HS6ST3: variants seen among roughly 807,000 people sequenced by gnomAD.
The protein encoded by HS6ST3 is heparan-sulfate 6-O-sulfotransferase 3.
Under a neutral mutation model 36.7 loss-of-function variants are expected in HS6ST3, and 12 were observed. That is an observed-to-expected ratio of 0.33 (90% CI 0.21 to 0.53). HS6ST3 has a LOEUF of 0.53. Ranked by LOEUF, HS6ST3 falls within the 20% of genes least tolerant of loss-of-function variation. HS6ST3 has a pLI of 0.95. For synonymous variants in HS6ST3, 240 were observed against 257.5 expected, an observed-to-expected ratio of 0.93 and a Z score of 0.65; for missense variants, 584 against 640.9, an observed-to-expected ratio of 0.91 and a Z score of 0.96.
At chr13:96,183,354 G>C (rs1038823514) in intron 1 of HS6ST3, among the ~76,000 whole-genome samples, 12 of 152,170 alleles carry the variant, frequency 7.9e-5, no homozygotes, top group African/African-American at 2.9e-4. Context: ...TGCTCGAGGT[G>C]GAAGAAAGTT....
At chr13:96,119,863 T>C (rs2053916861) in intron 1 of HS6ST3, among the ~76,000 whole-genome samples, 1 of 141,026 alleles carries the variant, frequency 7.1e-6, no homozygotes, top group South Asian at 2.4e-4. Context: ...TATTGCAGCA[T>C]TAAATATAAT....
intron 1 of HS6ST3, among the ~76,000 whole-genome samples, chr13:96,096,455 G>A (rs565188648): frequency 4.6e-5 from 7 of 152,072 alleles, no homozygotes; most frequent in East Asian, 1.9e-4. Context: ...TTTAAGTTTC[G>A]TTAGTTCTAA....
chr13:96,452,131 C>G (rs2055731115), intron 1 of HS6ST3, among the ~76,000 whole-genome samples: 2 of 152,150 alleles, frequency 1.3e-5, no homozygotes. Context: ...ATTTTTCACT[C>G]TCTTTACTGG....
intron 1 of HS6ST3, among the ~76,000 whole-genome samples, chr13:96,711,965 T>C (rs1875573963): frequency 6.6e-6 from 1 of 152,230 alleles, no homozygotes; most frequent in African/African-American, 2.4e-5. Flanking sequence ...GATCAGTTAG[T>C]ATTCTACTTT....
intron 1 of HS6ST3, among the ~76,000 whole-genome samples, chr13:96,733,296 G>T (rs1876205224): frequency 6.6e-6 from 1 of 152,130 alleles, no homozygotes; most frequent in African/African-American, 2.4e-5. Context: ...TTGTGTTGAG[G>T]TACATTCCTT....
intron 1 of HS6ST3, among the ~76,000 whole-genome samples, chr13:96,657,558 T>C (rs1380761168): frequency 1.3e-5 from 2 of 152,142 alleles, no homozygotes; most frequent in Non-Finnish European, 2.9e-5. Context: ...CAGAACACAA[T>C]GTCCTGTCAA....
intron 1 of HS6ST3, among the ~76,000 whole-genome samples, chr13:96,768,452 G>A (rs560507510): frequency 6.6e-6 from 1 of 152,150 alleles, no homozygotes; most frequent in Non-Finnish European, 1.5e-5. Context: ...CTCTGACTCT[G>A]TCACTTTTGT....
At chr13:96,128,595 A>G (rs992864116) in intron 1 of HS6ST3, among the ~76,000 whole-genome samples, 1 of 151,984 alleles carries the variant, frequency 6.6e-6, no homozygotes, top group African/African-American at 2.4e-5. Context: ...CTGTTAGTTT[A>G]CTGGAGATTT....
chr13:96,658,928 G>A (rs36089682), intron 1 of HS6ST3, among the ~76,000 whole-genome samples: 2,139 of 151,374 alleles, frequency 0.014, 23 homozygotes, highest in Non-Finnish European at 0.02. Context: ...GGTTGGTATC[G>A]AACTCCTGAC....
chr13:96,139,551 A>C (rs941360831), intron 1 of HS6ST3, among the ~76,000 whole-genome samples: 9 of 149,864 alleles, frequency 6.0e-5, no homozygotes, highest in African/African-American at 1.2e-4. Context: ...GAAAAAAAAA[A>C]AAAAAAAAAA....
chr13:96,799,409 A>G (rs1456807669), intron 1 of HS6ST3, among the ~76,000 whole-genome samples: 2 of 152,078 alleles, frequency 1.3e-5, no homozygotes, highest in Non-Finnish European at 1.5e-5. Context: ...AGACTGGATT[A>G]AGAAAATGTG....
At chr13:96,626,754 G>A (rs1014823206) in intron 1 of HS6ST3, among the ~76,000 whole-genome samples, 16 of 151,664 alleles carry the variant, frequency 1.1e-4, no homozygotes, top group African/African-American at 3.4e-4. Flanking sequence ...TTTAAAATTC[G>A]TATTTAAAAA....
rs77331240 is a variant in HS6ST3, at chr13:96,247,346, C to A, written c.707+155777C>A. On this transcript the variant is annotated intron_variant, in intron 1 of 1. Transcript: ENST00000376705. ...TCTCAAATTGTAATCCCCATAATCC[C>A]CACGTGTCAAGGGAGGGACCTTGTG... is the stretch of plus-strand genomic sequence containing the variant. Among the ~76,000 whole-genome samples the A allele has an allele frequency of 3.7e-3, 564 of 152,158 alleles. 21 individuals carry two copies. The East Asian group carries it at 0.093, about 25-fold the overall frequency.
chr13:96,415,090 T>C (rs914632819), intron 1 of HS6ST3, among the ~76,000 whole-genome samples: 2 of 152,226 alleles, frequency 1.3e-5, no homozygotes, highest in African/African-American at 4.8e-5. Flanking sequence ...ACTGAGAAAA[T>C]TCATGCTTGG....
intron 1 of HS6ST3, among the ~76,000 whole-genome samples, chr13:96,498,384 C>T (rs146233651): frequency 6.8e-4 from 104 of 152,228 alleles, no homozygotes; most frequent in South Asian, 3.5e-3. Flanking sequence ...TTCCATAAAG[C>T]GTGTCAAGGC....
chr13:96,469,128 G>GT (rs58505261), intron 1 of HS6ST3, among the ~76,000 whole-genome samples: 15,015 of 152,108 alleles, frequency 0.099, 1,123 homozygotes, highest in Admixed American at 0.23. Context: ...AAGAATAACT[G>GT]TTTTTCTTTA....
intron 1 of HS6ST3, among the ~76,000 whole-genome samples, chr13:96,741,713 T>C (rs527966908): frequency 6.6e-6 from 1 of 152,180 alleles, no homozygotes; most frequent in Admixed American, 6.5e-5. Flanking sequence ...GGAAAATAAA[T>C]AGAAGAAAAT....
At chr13:96,430,250 G>T (rs1405648996) in intron 1 of HS6ST3, among the ~76,000 whole-genome samples, 1 of 152,272 alleles carries the variant, frequency 6.6e-6, no homozygotes, top group South Asian at 2.1e-4. Context: ...TATTTTAAGT[G>T]TAATGCCTAC....
intron 1 of HS6ST3, among the ~76,000 whole-genome samples, chr13:96,652,478 T>C (rs2056610836): frequency 6.6e-6 from 1 of 152,032 alleles, no homozygotes. Flanking sequence ...CCTCTTGCTT[T>C]CTCATTTGTA....
Sources: allele counts gnomAD v4.1 joint callset (sites outside exome capture counted in the v4.1 genomes callset), GRCh38; gene constraint gnomAD v4.1.1; transcripts MANE v1.5; gene names NCBI Gene and HGNC (gene_info 2026-07-23, HGNC 2026-07-21).